GFRA2: variants seen among roughly 807,000 people sequenced by gnomAD.
GFRA2 encodes GDNF family receptor alpha 2.
GFRA2 carries 17 observed loss-of-function variants against 48.3 expected under a neutral mutation model. The observed-to-expected ratio is 0.35, with a 90% CI of 0.24 to 0.53. GFRA2 has a LOEUF of 0.53. GFRA2 is among the 20% of genes least tolerant of loss of function. The pLI is 0.93. For missense variants in GFRA2, 660 were observed against 637.3 expected (o/e 1.04, Z -0.38); for synonymous variants, 305 against 257.2 (o/e 1.19, Z -1.78).
At chr8:21,792,199 G>C (rs1219746064), upstream of GFRA2, among the ~76,000 whole-genome samples, 3 of 152,192 alleles carry the variant, frequency 2.0e-5, no homozygotes, top group African/African-American at 7.2e-5. Flanking sequence ...CCAGTGGAGG[G>C]GAGGGCGTTG....
chr8:21,760,922 C>G (rs896428851), intron 3 of GFRA2, among the ~76,000 whole-genome samples: 16 of 152,254 alleles, frequency 1.1e-4, no homozygotes, highest in Admixed American at 1.0e-3. Context: ...ACTGACACCC[C>G]CCCAAATACT....
rs376652470 is a variant in GFRA2 at position 21,750,955 on chromosome 8, C to A, written c.440-13G>T. 9.6e-5 allele frequency: 153 copies of A among 1,586,128 alleles called. No individual in the cohort carries two copies. Among genetic ancestry groups the A allele is most frequent in the Non-Finnish European group, 1.3e-4 (150 of 1,159,266 alleles). On this transcript the variant is annotated splice_polypyrimidine_tract_variant and intron_variant, in intron 3 of 8. Coordinates refer to ENST00000524240, the MANE Select transcript of GFRA2 (RefSeq NM_001495.5). This position sits in a 1 kb window ranked among gnomAD's most constrained non-coding sequence, Gnocchi z 5.7. Reference sequence around the variant, plus strand: ...TCTGCCCCTGTCCCTGGAGGAGGAACAAGAGAGCAGGTCAGAGGCCACACA... The same window carrying A: ...TCTGCCCCTGTCCCTGGAGGAGGAAAAAGAGAGCAGGTCAGAGGCCACACA...
chr8:21,807,265 A>G (rs181948957), intron 1 of GFRA2, among the ~76,000 whole-genome samples: 20 of 152,308 alleles, frequency 1.3e-4, no homozygotes, highest in Admixed American at 1.2e-3. Context: ...TGGGTTTGTT[A>G]CATAAGTAAG....
In GFRA2 at chr8:21,734,013, C is replaced by A. The variant is rs142167646; in HGVS notation, c.794+16575G>T. 5.7e-3 allele frequency among the ~76,000 whole-genome samples: 870 copies of A among 152,318 alleles called. 7 individuals are homozygous for A. Among genetic ancestry groups the A allele is most frequent in the African/African-American group, 0.02 (836 of 41,566 alleles). On this transcript the variant is annotated intron_variant, in intron 4 of 8. Transcript: ENST00000524240. ...GGGAGGGCAGGGGACCAAAACGATG[C>A]AGGCCTGAGTCCTCATGGAGAAAGG...
At chr8:21,788,939 T>C (rs1046523392), upstream of GFRA2, 4 of 374,250 alleles carry the variant, frequency 1.1e-5, no homozygotes, top group Non-Finnish European at 1.5e-5. Flanking sequence ...GCCCGCCCCC[T>C]TCTCCCTTCG....
At chr8:21,776,199 C>A (rs1347480400) in intron 2 of GFRA2, among the ~76,000 whole-genome samples, 1 of 152,056 alleles carries the variant, frequency 6.6e-6, no homozygotes, top group African/African-American at 2.4e-5. Context: ...GGCTTTGCAA[C>A]CCCACTGCAT....
chr8:21,727,242 T>C (rs1298129053), intron 4 of GFRA2, among the ~76,000 whole-genome samples: 1 of 152,148 alleles, frequency 6.6e-6, no homozygotes, highest in Non-Finnish European at 1.5e-5. Flanking sequence ...GAGAGGTCAC[T>C]CCTCCAAGGA....
At chr8:21,804,136 C>A (rs1807817084) in intron 2 of GFRA2, among the ~76,000 whole-genome samples, 2 of 152,058 alleles carry the variant, frequency 1.3e-5, no homozygotes, top group Non-Finnish European at 2.9e-5. Flanking sequence ...AAATCATTCG[C>A]TTTACCACAA....
At chr8:21,749,981 A>G (rs1276420894) in intron 4 of GFRA2, among the ~76,000 whole-genome samples, 1 of 152,090 alleles carries the variant, frequency 6.6e-6, no homozygotes, top group East Asian at 1.9e-4. Flanking sequence ...TAGCCTCATT[A>G]TTAGGAAGGT....
intron 7 of GFRA2, among the ~76,000 whole-genome samples, chr8:21,702,186 C>T (rs1424724848): frequency 3.3e-5 from 5 of 152,310 alleles, no homozygotes; most frequent in Non-Finnish European, 2.9e-5. Context: ...GTGACAACAG[C>T]ACCTCAGCTC....
chr8:21,704,988 G>A lies in GFRA2; in HGVS notation c.1042C>T (p.Leu348Phe). ...GGGGAGAACATCCAGAACTTACGGA[G>A]GCATGGGTTCTCGGTGAAGTCCCTG... ...FLRDFTENPC[L>F]RNAIQAFGNG... The change falls in exon 6 of 9, where the codon CTC becomes TTC. Residue 348 changes from leucine (L) to phenylalanine (F), a missense_variant. Leu to Phe is a conservative substitution (Grantham distance 22, BLOSUM62 0). Transcript: ENST00000524240. 1.9e-6 allele frequency: 3 copies of A among 1,609,436 alleles called. No individual in the cohort carries two copies. The highest frequency in any genetic ancestry group is 2.5e-6 in the Non-Finnish European group (3 of 1,178,110).
intron 4 of GFRA2, among the ~76,000 whole-genome samples, chr8:21,712,784 C>G (rs1175332509): frequency 2.6e-5 from 4 of 152,226 alleles, no homozygotes; most frequent in African/African-American, 9.6e-5. Context: ...GCTGGCGGAT[C>G]ACTCGCGGTT....
intron 4 of GFRA2, among the ~76,000 whole-genome samples, chr8:21,734,904 C>A (rs1455934110): frequency 6.6e-6 from 1 of 152,230 alleles, no homozygotes; most frequent in Non-Finnish European, 1.5e-5. Flanking sequence ...CCAGGGCAAA[C>A]CTGCCTCCCA....
intron 6 of GFRA2, among the ~76,000 whole-genome samples, chr8:21,703,629 G>T (rs568450948): frequency 6.6e-6 from 1 of 152,084 alleles, no homozygotes; most frequent in Non-Finnish European, 1.5e-5. Context: ...CCCTCATATT[G>T]CAGCCTTGAA....
chr8:21,694,582 A>G, intron 7 of GFRA2, 65 bp from the exon 8 acceptor site: 1 of 1,486,138 alleles, frequency 6.7e-7, no homozygotes. Context: ...CTTTGTCCAG[A>G]GACTTAGATG....
At chr8:21,714,988 C>T (rs1391648373) in intron 4 of GFRA2, among the ~76,000 whole-genome samples, 1 of 152,212 alleles carries the variant, frequency 6.6e-6, no homozygotes, top group African/African-American at 2.4e-5. Flanking sequence ...GGCTTTCTAA[C>T]GTCCCCTCTG....
In GFRA2 at chr8:21,704,676, A is replaced by C. The variant is rs1000023979; in HGVS notation, c.1045+309T>G. Among the ~76,000 whole-genome samples, 4 of 152,326 alleles carry C rather than the reference A, an allele frequency of 2.6e-5. No individual in the cohort carries two copies. In the South Asian group the frequency reaches 8.3e-4, roughly 32 times the overall value. Reference sequence around the variant, plus strand: ...GTTAAAGGGAGACATGACAGATGCCAGCGATCCTCATGAGAGGGCTCAGTC... The same window carrying C: ...GTTAAAGGGAGACATGACAGATGCCCGCGATCCTCATGAGAGGGCTCAGTC... On this transcript the variant is annotated intron_variant, in intron 6 of 8. Coordinates refer to ENST00000524240, the MANE Select transcript of GFRA2 (RefSeq NM_001495.5).
intron 4 of GFRA2, among the ~76,000 whole-genome samples, chr8:21,748,630 C>G: frequency 6.6e-6 from 1 of 152,172 alleles, no homozygotes; most frequent in East Asian, 1.9e-4. Context: ...GTTGTGTGAC[C>G]TTCAGCAAGT....
intron 8 of GFRA2, among the ~76,000 whole-genome samples, chr8:21,694,067 T>TATATA (rs1802025193): frequency 1.4e-5 from 1 of 71,206 alleles, no homozygotes; most frequent in African/African-American, 6.0e-5. Flanking sequence ...ATATATATAT[T>TATATA]TATTTATTTT....
Sources: allele counts gnomAD v4.1 joint callset (sites outside exome capture counted in the v4.1 genomes callset), GRCh38; gene constraint gnomAD v4.1.1; non-coding constraint Gnocchi (gnomAD v3.1); transcripts MANE v1.5; gene names NCBI Gene and HGNC (gene_info 2026-07-23, HGNC 2026-07-21).